The following VSTM2A variants were observed in gnomAD, a reference collection of about 807,000 sequenced individuals.
VSTM2A encodes V-set and transmembrane domain containing 2A.
VSTM2A carries 13 observed loss-of-function variants against 27.3 expected under a neutral mutation model. The ratio of observed to expected loss-of-function variants is 0.48; its 90% CI spans 0.31 to 0.76. The LOEUF is 0.76. Among genes scored for constraint, VSTM2A ranks in the 30% least tolerant of loss-of-function variants. The pLI, the probability that VSTM2A is intolerant of heterozygous loss-of-function variation, is 0.05. For missense variants in VSTM2A, 280 were observed against 310.0 expected, an observed-to-expected ratio of 0.90 and a Z score of 0.73; for synonymous variants, 142 against 125.7, an observed-to-expected ratio of 1.13 and a Z score of -0.87.
intron 4 of VSTM2A, 149 bp from the exon 5 acceptor site, chr7:54,568,982 G>A: frequency 1.3e-6 from 2 of 1,574,142 alleles, no homozygotes; most frequent in Non-Finnish European, 1.7e-6. Flanking sequence ...TTCAAGATGA[G>A]CGAATATCTT....
chr7:54,554,214 C>G lies in VSTM2A; in HGVS notation c.634+4044C>G. The G allele has an allele frequency of 5.2e-6, 7 of 1,351,338 alleles. No individual in the cohort carries two copies. In the South Asian group the frequency reaches 1.0e-4, roughly 20 times the overall value. 83.7% of individuals were successfully genotyped at this position (1,351,338 alleles called of 1,614,324 possible). A position where few individuals can be genotyped will look rare whatever the true frequency, so the allele number is the denominator to read the frequency against. Reference sequence around the variant, plus strand: ...CTCCCTCGATCACTCCTTCCTGACACTCTTACCTCTCTTCTCTTTGCAGGC... The same window carrying G: ...CTCCCTCGATCACTCCTTCCTGACAGTCTTACCTCTCTTCTCTTTGCAGGC... On this transcript the variant is annotated intron_variant, in intron 4 of 4. Transcript: ENST00000402613.
Position 54,569,304 on chromosome 7 carries a change from A to C in VSTM2A, c.*85A>C. The C allele has an allele frequency of 6.6e-7, 1 of 1,522,948 alleles. No individual in the cohort carries two copies. The highest frequency in any genetic ancestry group is 8.8e-7 in the Non-Finnish European group (1 of 1,133,702). 94.3% of individuals were successfully genotyped at this position (1,522,948 alleles called of 1,614,324 possible). The stretch of plus-strand genomic sequence containing the variant: ...TGTTGATCATATTTTCTTTGGCAAA[A>C]CACTGATCTTTTATTTTAAGAGAAT... On this transcript the variant is annotated 3_prime_UTR_variant, in exon 5 of 5. Coordinates refer to ENST00000402613, the MANE Select transcript of VSTM2A (RefSeq NM_001301009.2).
chr7:54,548,828 G>A (rs1305753032), intron 3 of VSTM2A, among the ~76,000 whole-genome samples: 2 of 151,820 alleles, frequency 1.3e-5, no homozygotes, highest in South Asian at 2.1e-4. Context: ...ATTTATGGCC[G>A]TTTGAAAGTG....
intron 4 of VSTM2A, chr7:54,559,447 A>G (rs1042330456): frequency 2.6e-5 from 4 of 152,260 alleles, no homozygotes; most frequent in Non-Finnish European, 5.9e-5. Context: ...TCATTAAAAA[A>G]AAATTGATAG....
At chr7:54,550,511 A>T in intron 4 of VSTM2A, 1 of 439,462 alleles carries the variant, frequency 2.3e-6, no homozygotes, top group Non-Finnish European at 3.8e-6. Flanking sequence ...CTACAGATTT[A>T]TGTATCGATA....
At chr7:54,555,930 C>A (rs1788341194) in intron 4 of VSTM2A, among the ~76,000 whole-genome samples, 1 of 152,170 alleles carries the variant, frequency 6.6e-6, no homozygotes, top group Admixed American at 6.5e-5. Flanking sequence ...TTCCAGAACT[C>A]CACCCAGTGC....
At chr7:54,547,124 A>C (rs2115790472) in intron 3 of VSTM2A, 127 bp downstream of exon 3, 1 of 993,784 alleles carries the variant, frequency 1.0e-6, no homozygotes, top group Non-Finnish European at 1.4e-6. Context: ...TGCTTGCCTC[A>C]TTAGATACAT....
Position 54,561,167 on chromosome 7 carries a change from A to G in VSTM2A, c.635-7964A>G, listed in dbSNP as rs918012670. ...GAATTTAAAACCTCACTCTATTTCA[A>G]ACTACCTGAAAATATTATAAGGGTT... is the stretch of plus-strand genomic sequence containing the variant. On this transcript the variant is annotated intron_variant, in intron 4 of 4. Transcript: ENST00000402613. Among the ~76,000 whole-genome samples the G allele has an allele frequency of 9.2e-5, 14 of 152,344 alleles. No homozygotes were observed. In the East Asian group the frequency reaches 2.7e-3, roughly 29 times the overall value.
intron 4 of VSTM2A, chr7:54,554,000 G>A: frequency 6.4e-7 from 1 of 1,553,176 alleles, no homozygotes; most frequent in Non-Finnish European, 8.7e-7. Context: ...CTGTGAAGCG[G>A]CTTCCTGCTC....
intron 4 of VSTM2A, among the ~76,000 whole-genome samples, chr7:54,568,809 G>C: frequency 6.6e-6 from 1 of 152,140 alleles, no homozygotes; most frequent in East Asian, 1.9e-4. Flanking sequence ...TTTGAAAACA[G>C]ACAAAACAAA....
At chr7:54,546,001 G>C (rs1787950242) in intron 2 of VSTM2A, among the ~76,000 whole-genome samples, 1 of 111,760 alleles carries the variant, frequency 8.9e-6, no homozygotes, top group African/African-American at 3.6e-5. Context: ...AGGGGGGAAG[G>C]GGGGAGGAAG....
intron 4 of VSTM2A, chr7:54,553,742 G>T: frequency 7.5e-7 from 1 of 1,327,408 alleles, no homozygotes; most frequent in South Asian, 1.5e-5. Context: ...CCAGGATCTT[G>T]ACCAGGATGG....
At position 54,567,775 on chromosome 7, in the gene VSTM2A, T is replaced by G. The variant is rs544745273; in HGVS notation, c.635-1356T>G. ...AATTTATTTTTCTTTCTTTTTTTTT[T>G]CATTAAATGAATCCCTGTCAAAGAG... On this transcript the variant is annotated intron_variant, in intron 4 of 4. Coordinates refer to ENST00000402613, the MANE Select transcript of VSTM2A (RefSeq NM_001301009.2). 1.9e-4 allele frequency among the ~76,000 whole-genome samples: 29 copies of G among 152,284 alleles called. No homozygotes were observed. The South Asian group carries it at 6.0e-3, about 32-fold the overall frequency.
At position 54,550,364 on chromosome 7, in the gene VSTM2A, C is replaced by G. The variant is rs932667717; in HGVS notation, c.634+194C>G. On this transcript the variant is annotated intron_variant, in intron 4 of 4. Coordinates refer to ENST00000402613, the MANE Select transcript of VSTM2A (RefSeq NM_001301009.2). ...GAGCTCAAAGCATGTGGGTGCACCC[C>G]GTCAGTCCCCTAGTGGTGCTTCATT... 32 of 1,427,418 alleles carry G rather than the reference C, an allele frequency of 2.2e-5. No homozygotes were observed. The Admixed American group carries it at 2.3e-4, about 10-fold the overall frequency. The allele number at this position is 1,427,418 out of a possible 1,614,324, so 88.4% of individuals were successfully genotyped here.
chr7:54,544,669 A>T lies in VSTM2A; in HGVS notation c.127A>T (p.Asn43Tyr). The T allele has an allele frequency of 6.2e-7, 1 of 1,612,956 alleles. No homozygotes were observed. Among genetic ancestry groups the T allele is most frequent in the Non-Finnish European group, 8.5e-7 (1 of 1,179,854 alleles). Residue 43 changes from asparagine to tyrosine, a missense_variant, in exon 2 of 5, where the codon AAT (asparagine) becomes TAT (tyrosine). By Grantham distance (143) the Asn-to-Tyr change is moderately radical. Coordinates refer to ENST00000402613, the MANE Select transcript of VSTM2A (RefSeq NM_001301009.2). Reference sequence around the variant, plus strand: ...GAACGTGACGGCGACCGAGGGGCAGAATGTGGAGATGTCCTGCGCCTTCCA... The same window carrying T: ...GAACGTGACGGCGACCGAGGGGCAGTATGTGGAGATGTCCTGCGCCTTCCA... ...PRNVTATEGQNVEMSCAFQSG... is the reference protein window; with the variant it reads ...PRNVTATEGQYVEMSCAFQSG...
chr7:54,570,730 A>C lies in VSTM2A; in HGVS notation c.*1511A>C, dbSNP rs1290496581. Reference sequence around the variant, plus strand: ...GTGTTCCATATACATTATGGAATAGATAAAGCTTGAGAGATAAATGACCTA... The same window carrying C: ...GTGTTCCATATACATTATGGAATAGCTAAAGCTTGAGAGATAAATGACCTA... On this transcript the variant is annotated 3_prime_UTR_variant, in exon 5 of 5. Coordinates refer to ENST00000402613, the MANE Select transcript of VSTM2A (RefSeq NM_001301009.2). 6.6e-6 allele frequency: 1 copy of C among 152,188 alleles called. No homozygotes were observed. Among genetic ancestry groups the C allele is most frequent in the Admixed American group, 6.5e-5 (1 of 15,286 alleles). 9.4% of individuals were successfully genotyped at this position (152,188 alleles called of 1,614,324 possible). A position where few individuals can be genotyped will look rare whatever the true frequency, so the allele number is the denominator to read the frequency against.
intron 4 of VSTM2A, among the ~76,000 whole-genome samples, chr7:54,566,044 T>C (rs1788710140): frequency 6.6e-6 from 1 of 152,096 alleles, no homozygotes; most frequent in Non-Finnish European, 1.5e-5. Context: ...AGAAAACACC[T>C]CCTCTGCCTT....
At chr7:54,547,688 CA>C (rs1788048135) in intron 3 of VSTM2A, among the ~76,000 whole-genome samples, 1 of 152,072 alleles carries the variant, frequency 6.6e-6, no homozygotes, top group Non-Finnish European at 1.5e-5. Flanking sequence ...AATACTGCTT[CA>C]TTTTTTAAAT....
intron 4 of VSTM2A, among the ~76,000 whole-genome samples, chr7:54,563,653 G>T (rs1307772075): frequency 3.3e-5 from 5 of 152,108 alleles, no homozygotes; most frequent in African/African-American, 1.2e-4. Flanking sequence ...TGGCACCCAT[G>T]CACCCTGTCC....
Sources: gnomAD v4.1 joint callset for allele counts (sites outside exome capture counted in the v4.1 genomes callset) on GRCh38, gnomAD v4.1.1 for gene constraint, MANE v1.5 for transcripts, NCBI Gene and HGNC (gene_info 2026-07-23, HGNC 2026-07-21) for gene names.